The following AFF3 variants were observed in gnomAD, a reference collection of about 807,000 sequenced individuals.
AFF3 encodes AF4/FMR2 family member 3.
AFF3 carries 32 observed loss-of-function variants against 129.7 expected under a neutral mutation model. That is an observed-to-expected ratio of 0.25 (90% CI 0.19 to 0.33). The LOEUF (loss-of-function observed/expected upper bound fraction) is 0.33. Ranked by LOEUF, AFF3 falls within the 10% of genes least tolerant of loss-of-function variation. The pLI, the probability that AFF3 is intolerant of heterozygous loss-of-function variation, is 1.00. For missense variants in AFF3, 1,373 were observed against 1,592.0 expected, an observed-to-expected ratio of 0.86 and a Z score of 2.34; for synonymous variants, 644 against 635.4, an observed-to-expected ratio of 1.01 and a Z score of -0.20.
chr2:100,024,314 C>T (rs889873908), intron 4 of AFF3, among the ~76,000 whole-genome samples: 4 of 149,768 alleles, frequency 2.7e-5, no homozygotes, highest in Non-Finnish European at 4.4e-5. Context: ...GTGGCTCATG[C>T]TTGTAATCCC....
At chr2:100,115,382 T>C (rs1691698026) in intron 2 of AFF3, among the ~76,000 whole-genome samples, 1 of 152,118 alleles carries the variant, frequency 6.6e-6, no homozygotes, top group Non-Finnish European at 1.5e-5. Context: ...ACCTCGTTTC[T>C]ACTAAAAATA....
At position 99,814,488 on chromosome 2, in the gene AFF3, G is replaced by A. The variant is rs1233772262; in HGVS notation, c.921+22989C>T. Among the ~76,000 whole-genome samples the A allele has an allele frequency of 3.3e-5, 5 of 152,172 alleles. No individual in the cohort carries two copies. The South Asian group carries it at 1.0e-3, about 31-fold the overall frequency. ...GGTCCTGGGGAAGATTGAAAGGGAG[G>A]CACTACCTTCATCAAGGGAGCTACA... On this transcript the variant is annotated intron_variant, in intron 8 of 24. Transcript: ENST00000672756.
intron 7 of AFF3, among the ~76,000 whole-genome samples, chr2:99,891,650 C>T (rs1693560848): frequency 6.6e-6 from 1 of 152,142 alleles, no homozygotes; most frequent in Non-Finnish European, 1.5e-5. Context: ...TCACCCAACA[C>T]CAAGCAAGCA....
intron 13 of AFF3, among the ~76,000 whole-genome samples, chr2:99,618,688 T>A (rs923145310): frequency 1.3e-5 from 2 of 152,222 alleles, no homozygotes; most frequent in Admixed American, 6.5e-5. Flanking sequence ...TTAACTCACA[T>A]TACCCATCTG....
At chr2:99,739,399 T>G (rs1680528559) in intron 10 of AFF3, among the ~76,000 whole-genome samples, 1 of 152,178 alleles carries the variant, frequency 6.6e-6, no homozygotes, top group Non-Finnish European at 1.5e-5. Flanking sequence ...TATTTTGGAT[T>G]TATTTCCATT....
At chr2:99,790,646 G>A (rs1049626037) in intron 8 of AFF3, among the ~76,000 whole-genome samples, 1 of 152,148 alleles carries the variant, frequency 6.6e-6, no homozygotes, top group Non-Finnish European at 1.5e-5. Context: ...GGCATCAAGT[G>A]GGTAGATGCC....
intron 8 of AFF3, among the ~76,000 whole-genome samples, chr2:99,762,156 G>C (rs1305321317): frequency 2.1e-5 from 3 of 139,566 alleles, no homozygotes; most frequent in Non-Finnish European, 4.6e-5. Context: ...ATGGAGTCTC[G>C]CTCTGTCACC....
At chr2:99,923,135 A>G (rs1695970364) in intron 7 of AFF3, among the ~76,000 whole-genome samples, 1 of 152,166 alleles carries the variant, frequency 6.6e-6, no homozygotes, top group Non-Finnish European at 1.5e-5. Context: ...ACTCTTCCTC[A>G]CCCCACAGGA....
intron 7 of AFF3, among the ~76,000 whole-genome samples, chr2:99,995,210 T>C (rs550422463): frequency 5.3e-5 from 8 of 152,166 alleles, no homozygotes; most frequent in Non-Finnish European, 8.8e-5. Flanking sequence ...AGGTGACTCC[T>C]ACCTGTGGCT....
intron 7 of AFF3, among the ~76,000 whole-genome samples, chr2:99,989,937 G>A (rs945589293): frequency 6.6e-6 from 1 of 152,124 alleles, no homozygotes; most frequent in Admixed American, 6.5e-5. Flanking sequence ...ATAGAAGAGT[G>A]CTAACAATAT....
At chr2:100,140,120 G>A (rs1573483908) in intron 1 of AFF3, among the ~76,000 whole-genome samples, 1 of 152,280 alleles carries the variant, frequency 6.6e-6, no homozygotes, top group African/African-American at 2.4e-5. Context: ...TAATATAACA[G>A]CATTTTACGT....
chr2:99,681,234 A>C (rs1452737373), intron 11 of AFF3, among the ~76,000 whole-genome samples: 2 of 152,218 alleles, frequency 1.3e-5, no homozygotes, highest in African/African-American at 4.8e-5. Flanking sequence ...CCATACTCTA[A>C]GTTTTAGTTT....
intron 4 of AFF3, among the ~76,000 whole-genome samples, chr2:100,065,882 C>G (rs1687682994): frequency 6.6e-6 from 1 of 152,014 alleles, no homozygotes; most frequent in Non-Finnish European, 1.5e-5. Context: ...AAAGAGTTTC[C>G]AAGAAAAGAA....
intron 7 of AFF3, among the ~76,000 whole-genome samples, chr2:99,979,093 C>G (rs755504899): frequency 1.4e-5 from 2 of 140,722 alleles, no homozygotes; most frequent in African/African-American, 2.5e-5. Context: ...ATAAATAGGG[C>G]ATATTGTATT....
At chr2:99,643,152 T>A (rs949058735) in intron 13 of AFF3, among the ~76,000 whole-genome samples, 3 of 138,448 alleles carry the variant, frequency 2.2e-5, no homozygotes, top group Non-Finnish European at 4.6e-5. Flanking sequence ...CCCCGCCTCC[T>A]GGGTTCAAGC....
At chr2:99,589,308 AGG>A (rs1242462078) in intron 15 of AFF3, among the ~76,000 whole-genome samples, 2 of 151,464 alleles carry the variant, frequency 1.3e-5, no homozygotes, top group African/African-American at 4.8e-5. Flanking sequence ...AATAGCAGGT[AGG>A]GAAGAAAATG....
intron 16 of AFF3, among the ~76,000 whole-genome samples, chr2:99,583,304 A>C (rs1677765259): frequency 6.6e-6 from 1 of 152,336 alleles, no homozygotes; most frequent in African/African-American, 2.4e-5. Flanking sequence ...CAAAATACCC[A>C]ACAAACAACT....
At chr2:99,995,435 C>T (rs962166946) in intron 7 of AFF3, among the ~76,000 whole-genome samples, 3 of 151,456 alleles carry the variant, frequency 2.0e-5, no homozygotes, top group Non-Finnish European at 2.9e-5. Context: ...TGCAGTGGTG[C>T]GATCTCAGCT....
chr2:100,026,893 G>A (rs890872137), intron 4 of AFF3, among the ~76,000 whole-genome samples: 3 of 149,252 alleles, frequency 2.0e-5, no homozygotes, highest in Non-Finnish European at 4.5e-5. Context: ...GGACAAAAAG[G>A]CATAAGAATG....
Sources: allele counts gnomAD v4.1 joint callset (sites outside exome capture counted in the v4.1 genomes callset), GRCh38; gene constraint gnomAD v4.1.1; transcripts MANE v1.5; gene names NCBI Gene and HGNC (gene_info 2026-07-23, HGNC 2026-07-21).